Variants in ZBTB46 observed in about 807,000 individuals in gnomAD.
ZBTB46 encodes the protein zinc finger and BTB domain-containing protein 46.
In ZBTB46, 8 loss-of-function variants were observed where a neutral mutation model predicts 44.1. The ratio of observed to expected loss-of-function variants is 0.18; its 90% confidence interval spans 0.11 to 0.33. The LOEUF (loss-of-function observed/expected upper bound fraction) is 0.33, where lower values mean the gene tolerates loss of function less well. Among genes scored for constraint, ZBTB46 ranks in the 10% least tolerant of loss-of-function variants. The probability of loss-of-function intolerance (pLI) is 1.00; values close to 1 mark genes in which losing one functional copy is unlikely to be tolerated. For missense variants in ZBTB46, 651 were observed against 847.7 expected (o/e 0.77, Z 2.88); for synonymous variants, 409 against 382.3 (o/e 1.07, Z -0.81).
At chr20:63,815,920 G>C (rs1001330262) in intron 1 of ZBTB46, among the ~76,000 whole-genome samples, 1 of 147,190 alleles carries the variant, frequency 6.8e-6, no homozygotes, top group African/African-American at 2.5e-5. Flanking sequence ...GACACAGGTG[G>C]GCACAGGTGC....
At chr20:63,813,724 G>A (rs914695102) in intron 1 of ZBTB46, among the ~76,000 whole-genome samples, 1 of 152,144 alleles carries the variant, frequency 6.6e-6, no homozygotes. Context: ...CGCAACTTCA[G>A]GGACATCACC....
chr20:63,782,800 G>A (rs1402198211), intron 2 of ZBTB46, among the ~76,000 whole-genome samples: 3 of 152,168 alleles, frequency 2.0e-5, no homozygotes, highest in Non-Finnish European at 2.9e-5. Flanking sequence ...ACCCTGCCGA[G>A]TGGCTGCGTT....
At chr20:63,819,159 TGA>T (rs2092777321) in intron 1 of ZBTB46, among the ~76,000 whole-genome samples, 1 of 151,866 alleles carries the variant, frequency 6.6e-6, no homozygotes, top group African/African-American at 2.4e-5. Context: ...GGCGACAGAG[TGA>T]GACTCTGTCT....
chr20:63,821,099 G>T (rs1439785532), intron 1 of ZBTB46, among the ~76,000 whole-genome samples: 1 of 151,540 alleles, frequency 6.6e-6, no homozygotes, highest in African/African-American at 2.4e-5. Flanking sequence ...CACCATGTTG[G>T]CCAAGATGGT....
chr20:63,765,146 G>C (rs2145818728), intron 3 of ZBTB46, among the ~76,000 whole-genome samples: 1 of 151,942 alleles, frequency 6.6e-6, no homozygotes, highest in East Asian at 1.9e-4. Flanking sequence ...GGGCTTAGAG[G>C]CTTGGGGTGG....
At chr20:63,822,405 C>T (rs1242850886) in intron 1 of ZBTB46, among the ~76,000 whole-genome samples, 1 of 152,172 alleles carries the variant, frequency 6.6e-6, no homozygotes, top group South Asian at 2.1e-4. Flanking sequence ...AGAGCTGACA[C>T]GTGTACACGC....
At chr20:63,795,367 C>T (rs2092594410) in intron 1 of ZBTB46, among the ~76,000 whole-genome samples, 1 of 152,222 alleles carries the variant, frequency 6.6e-6, no homozygotes, top group Admixed American at 6.5e-5. Context: ...GTGCACGGGA[C>T]GCTGCGCAGT....
rs968482638 is a variant in ZBTB46 at position 63,752,302 on chromosome 20, G to A, written c.1398+384C>T. The stretch of plus-strand genomic sequence containing the variant: ...CAGTGCTGAGCTCCAGGGTGGGCGC[G>A]GTGGGTGCAGACAGGTCGGCAGGCA... On this transcript the variant is annotated intron_variant, in intron 4 of 4. Coordinates refer to ENST00000245663, the MANE Select transcript of ZBTB46 (RefSeq NM_001369741.1). The surrounding 1 kb of genome is among the most constrained non-coding windows in gnomAD (Gnocchi z 5.6). 6.6e-6 allele frequency among the ~76,000 whole-genome samples: 1 copy of A among 152,056 alleles called. No individual in the cohort carries two copies. The highest frequency in any genetic ancestry group is 1.5e-5 in the Non-Finnish European group (1 of 67,994).
At chr20:63,816,568 C>T (rs184668933) in intron 1 of ZBTB46, 52 of 152,386 alleles carry the variant, frequency 3.4e-4, no homozygotes, top group African/African-American at 1.2e-3. Flanking sequence ...GATACAGTGG[C>T]CACGAGAGGT....
intron 1 of ZBTB46, among the ~76,000 whole-genome samples, chr20:63,817,992 C>G (rs2092769781): frequency 6.6e-6 from 1 of 152,188 alleles, no homozygotes; most frequent in African/African-American, 2.4e-5. Flanking sequence ...AGGCCATGGT[C>G]CCATGTAACG....
At chr20:63,775,570 G>GAGC in intron 3 of ZBTB46, 108 bp downstream of exon 3, 5 of 1,422,994 alleles carry the variant, frequency 3.5e-6, no homozygotes. Flanking sequence ...GCAGGCGGCC[G>GAGC]AGCAGCAGGG....
intron 1 of ZBTB46, among the ~76,000 whole-genome samples, chr20:63,792,625 C>T (rs368723141): frequency 7.9e-5 from 12 of 152,216 alleles, no homozygotes; most frequent in African/African-American, 2.9e-4. Context: ...ATGCCATTCT[C>T]CTGCCTCAGC....
In ZBTB46 at chr20:63,803,397, G is replaced by A. The variant is rs907461610; in HGVS notation, c.-33-12607C>T. 1.6e-5 allele frequency: 16 copies of A among 985,474 alleles called. No individual in the cohort carries two copies. Among genetic ancestry groups the A allele is most frequent in the Non-Finnish European group, 1.9e-5 (16 of 829,936 alleles). 61.0% of individuals were successfully genotyped at this position (985,474 alleles called of 1,614,324 possible). On this transcript the variant is annotated intron_variant, in intron 1 of 4. Transcript: ENST00000245663. The surrounding 1 kb of genome is among the most constrained non-coding windows in gnomAD (Gnocchi z 4.0). ...AGCTCCTGACTAGAAAACACTCCAA[G>A]ACATGTTAGCAGAGTCGTCTTTCGA... is the stretch of plus-strand genomic sequence containing the variant.
At chr20:63,775,489 G>GCC (rs1179602363) in intron 3 of ZBTB46, 189 bp downstream of exon 3, 1 of 679,500 alleles carries the variant, frequency 1.5e-6, no homozygotes, top group Non-Finnish European at 2.3e-6. Flanking sequence ...TCTAAAGCCA[G>GCC]CCCCCCGTGC....
At chr20:63,825,094 A>G (rs6011167) in intron 1 of ZBTB46, among the ~76,000 whole-genome samples, 1,206 of 84,252 alleles carry the variant, frequency 0.014, 111 homozygotes, top group East Asian at 0.072. Flanking sequence ...CTGCACCCCC[A>G]TCTCACCATC....
intron 2 of ZBTB46, among the ~76,000 whole-genome samples, chr20:63,783,639 G>A (rs1032763744): frequency 2.6e-5 from 4 of 152,180 alleles, no homozygotes; most frequent in East Asian, 1.9e-4. Context: ...TAGAGAAGGC[G>A]CAGCTGAGTT....
Position 63,790,521 on chromosome 20 carries a change from C to G in ZBTB46, c.237G>C (p.Thr79=), listed in dbSNP as rs757636775. ...CGATGATGGCCTTGAAGCCCTGGGC[C>G]GTGACGATGTCCAGGTGCGTGACCG... ...QATVTHLDIV[T]AQGFKAIIDF... The change falls in exon 2 of 5, where the codon ACG becomes ACC. Residue 79 remains threonine, a synonymous_variant. Coordinates refer to ENST00000245663, the MANE Select transcript of ZBTB46 (RefSeq NM_001369741.1). 6.2e-7 allele frequency: 1 copy of G among 1,612,598 alleles called. No individual in the cohort carries two copies. Among genetic ancestry groups the G allele is most frequent in the Non-Finnish European group, 8.5e-7 (1 of 1,179,244 alleles).
rs1468830435 is a variant in ZBTB46 at position 63,767,368 on chromosome 20, G to A, written c.1222+8310C>T. Among the ~76,000 whole-genome samples the A allele has an allele frequency of 6.6e-6, 1 of 152,090 alleles. No individual in the cohort carries two copies. Among genetic ancestry groups the A allele is most frequent in the East Asian group, 1.9e-4 (1 of 5,174 alleles). On this transcript the variant is annotated intron_variant, in intron 3 of 4. Coordinates refer to ENST00000245663, the MANE Select transcript of ZBTB46 (RefSeq NM_001369741.1). The surrounding 1 kb of genome is among the most constrained non-coding windows in gnomAD (Gnocchi z 5.0). ...AGCTGGAGGTCCACCCGCCCCAGCT[G>A]CCCACCGGCTGGGCATGGAGATGCC...
At chr20:63,760,554 C>T (rs1250729844) in intron 3 of ZBTB46, among the ~76,000 whole-genome samples, 1 of 152,022 alleles carries the variant, frequency 6.6e-6, no homozygotes, top group Non-Finnish European at 1.5e-5. Context: ...CAAGCTCCGC[C>T]TCCTGGGTTC....
Sources: allele counts gnomAD v4.1 joint callset (sites outside exome capture counted in the v4.1 genomes callset), GRCh38; gene constraint gnomAD v4.1.1; non-coding constraint Gnocchi (gnomAD v3.1); transcripts MANE v1.5; gene names NCBI Gene and HGNC (gene_info 2026-07-23, HGNC 2026-07-21).